Variants in NECAB1 observed in about 807,000 individuals in gnomAD.
The protein encoded by NECAB1 is N-terminal EF-hand calcium binding protein 1.
Under a neutral mutation model 57.5 loss-of-function variants are expected in NECAB1, and 29 were observed. The ratio of observed to expected loss-of-function variants is 0.50; its 90% CI spans 0.38 to 0.69. The LOEUF (loss-of-function observed/expected upper bound fraction) is 0.69, where lower values mean the gene tolerates loss of function less well. Among genes scored for constraint, NECAB1 ranks in the 30% least tolerant of loss-of-function variants. The probability of loss-of-function intolerance (pLI) is 0.00; values close to 1 mark genes in which losing one functional copy is unlikely to be tolerated. For missense variants in NECAB1, 372 were observed against 413.8 expected (o/e 0.90, Z 0.88); for synonymous variants, 142 against 147.7 (o/e 0.96, Z 0.28).
chr8:90,906,903 A>ATGTATG (rs1563528359), intron 5 of NECAB1, among the ~76,000 whole-genome samples: 2 of 141,530 alleles, frequency 1.4e-5, no homozygotes, highest in African/African-American at 2.7e-5. Flanking sequence ...ATATATATAT[A>ATGTATG]TATATATCTT....
intron 3 of NECAB1, among the ~76,000 whole-genome samples, chr8:90,854,725 G>T (rs879665978): frequency 5.3e-5 from 8 of 152,176 alleles, no homozygotes; most frequent in Non-Finnish European, 8.8e-5. Flanking sequence ...CTTTTTTTGG[G>T]CAACAATAGC....
intron 9 of NECAB1, among the ~76,000 whole-genome samples, chr8:90,935,828 A>C (rs1402466038): frequency 6.6e-6 from 1 of 152,172 alleles, no homozygotes; most frequent in Non-Finnish European, 1.5e-5. Flanking sequence ...ATTTTAAAAG[A>C]TCAACACACA....
At chr8:90,912,052 G>T (rs1219939615) in intron 5 of NECAB1, among the ~76,000 whole-genome samples, 1 of 152,150 alleles carries the variant, frequency 6.6e-6, no homozygotes, top group East Asian at 1.9e-4. Context: ...ACTGTCTTCA[G>T]AGCCAGCTTC....
intron 6 of NECAB1, among the ~76,000 whole-genome samples, chr8:90,922,436 A>G (rs915007533): frequency 6.8e-6 from 1 of 146,312 alleles, no homozygotes; most frequent in African/African-American, 2.5e-5. Context: ...ATAGAGGAGG[A>G]TTGCTCTAAT....
intron 10 of NECAB1, among the ~76,000 whole-genome samples, 152 bp downstream of exon 10, chr8:90,941,050 A>G (rs934189922): frequency 2.6e-5 from 4 of 152,320 alleles, no homozygotes; most frequent in African/African-American, 9.6e-5. Context: ...GGGTGATGTC[A>G]TTTGCTGCCT....
chr8:90,886,344 CCAGGTT>C (rs1432855762), intron 5 of NECAB1, among the ~76,000 whole-genome samples: 1 of 151,702 alleles, frequency 6.6e-6, no homozygotes, highest in Non-Finnish European at 1.5e-5. Context: ...ACTTAAAATG[CCAGGTT>C]TACTATCTGC....
intron 9 of NECAB1, among the ~76,000 whole-genome samples, chr8:90,935,984 G>T (rs1000218059): frequency 2.6e-5 from 4 of 152,018 alleles, no homozygotes; most frequent in Non-Finnish European, 5.9e-5. Flanking sequence ...ATGCTCTTTG[G>T]GAATAGACAT....
intron 3 of NECAB1, among the ~76,000 whole-genome samples, chr8:90,838,856 C>T (rs922485561): frequency 6.6e-6 from 1 of 152,162 alleles, no homozygotes; most frequent in Non-Finnish European, 1.5e-5. Flanking sequence ...ATTTCCAAAC[C>T]CATGTCAGAA....
intron 4 of NECAB1, among the ~76,000 whole-genome samples, chr8:90,878,817 T>C (rs1808774566): frequency 1.3e-5 from 2 of 151,538 alleles, no homozygotes; most frequent in Admixed American, 1.3e-4. Flanking sequence ...AATTTTAAAG[T>C]GGAAAGACAA....
At chr8:90,819,700 G>T (rs150508040) in intron 2 of NECAB1, among the ~76,000 whole-genome samples, 1 of 151,846 alleles carries the variant, frequency 6.6e-6, no homozygotes, top group South Asian at 2.1e-4. Context: ...TTTTGTGGGC[G>T]TGTGTGCCTG....
At chr8:90,832,968 T>A (rs1043189551) in intron 3 of NECAB1, among the ~76,000 whole-genome samples, 1 of 152,188 alleles carries the variant, frequency 6.6e-6, no homozygotes, top group African/African-American at 2.4e-5. Context: ...AAAAAGATGG[T>A]TAATTCTCTC....
chr8:90,881,176 A>G, intron 5 of NECAB1, 46 bp downstream of exon 5: 1 of 1,343,394 alleles, frequency 7.4e-7, no homozygotes, highest in Middle Eastern at 1.9e-4. Flanking sequence ...CTCTTCTTTG[A>G]AAAAGATTTT....
intron 1 of NECAB1, among the ~76,000 whole-genome samples, chr8:90,799,291 T>C (rs1040145805): frequency 6.6e-6 from 1 of 152,190 alleles, no homozygotes; most frequent in African/African-American, 2.4e-5. Context: ...GCTCCAGCTC[T>C]TTAGTTTAAT....
intron 5 of NECAB1, among the ~76,000 whole-genome samples, chr8:90,889,755 G>A (rs1809107802): frequency 6.6e-6 from 1 of 152,194 alleles, no homozygotes; most frequent in Non-Finnish European, 1.5e-5. Context: ...ATTGTAAAGA[G>A]AGAGATGGGC....
At chr8:90,859,756 G>A (rs1448152175) in intron 3 of NECAB1, among the ~76,000 whole-genome samples, 6 of 152,076 alleles carry the variant, frequency 3.9e-5, no homozygotes, top group Non-Finnish European at 8.8e-5. Context: ...GCTGGTTTCA[G>A]CACTACTCAG....
chr8:90,893,487 C>A (rs1278345290), intron 5 of NECAB1, among the ~76,000 whole-genome samples: 1 of 152,138 alleles, frequency 6.6e-6, no homozygotes, highest in Admixed American at 6.5e-5. Context: ...AAGGGAAGAG[C>A]GACTTGGCGA....
At chr8:90,948,136 C>T (rs762386083) in intron 10 of NECAB1, among the ~76,000 whole-genome samples, 28 of 152,160 alleles carry the variant, frequency 1.8e-4, no homozygotes, top group Non-Finnish European at 3.7e-4. Flanking sequence ...TTGGGGATTA[C>T]ATCCCTTTGA....
intron 3 of NECAB1, among the ~76,000 whole-genome samples, chr8:90,849,566 A>G (rs1393268686): frequency 2.0e-5 from 3 of 147,416 alleles, no homozygotes; most frequent in Non-Finnish European, 4.5e-5. Flanking sequence ...CAAACTGTCC[A>G]GATAAGATTG....
intron 12 of NECAB1, among the ~76,000 whole-genome samples, chr8:90,953,100 T>C (rs933054246): frequency 1.3e-5 from 2 of 152,134 alleles, no homozygotes; most frequent in Non-Finnish European, 2.9e-5. Context: ...TTTCCATCTC[T>C]CCCAAACCAA....
Sources: allele counts gnomAD v4.1 joint callset (sites outside exome capture counted in the v4.1 genomes callset), GRCh38; gene constraint gnomAD v4.1.1; transcripts MANE v1.5; gene names NCBI Gene and HGNC (gene_info 2026-07-23, HGNC 2026-07-21).